Variants in MME observed in about 807,000 individuals in gnomAD.
The protein encoded by MME is neprilysin.
A neutral mutation model predicts 113.2 loss-of-function variants in MME; 98 were observed. The observed-to-expected ratio is 0.87, with a 90% CI of 0.74 to 1.02. MME has a LOEUF of 1.02. MME is among the 50% of genes least tolerant of loss of function. MME has a pLI of 0.00. For missense variants in MME, 836 were observed against 896.0 expected (o/e 0.93, Z 0.86); for synonymous variants, 292 against 300.6 (o/e 0.97, Z 0.30).
At position 155,115,015 on chromosome 3, in the gene MME, T is replaced by G; in HGVS notation, c.218T>G (p.Met73Arg). The part of the protein sequence containing the change: ...IKSAARLIQN[M>R]DATTEPCTDF... ...GCAGCTGCTCGACTGATCCAAAACA[T>G]GGATGCCACCACTGAGCCTTGTACA... is the stretch of plus-strand genomic sequence containing the variant. The change falls in exon 4 of 23, where the codon ATG becomes AGG. Residue 73 changes from methionine to arginine, a missense_variant. Physicochemically the swap from Met to Arg is moderately conservative, Grantham distance 91 (BLOSUM62 -1). Transcript: ENST00000360490. 2 of 1,614,154 alleles carry G rather than the reference T, an allele frequency of 1.2e-6. No homozygotes were observed. The highest frequency in any genetic ancestry group is 1.7e-6 in the Non-Finnish European group (2 of 1,179,988).
intron 17 of MME, among the ~76,000 whole-genome samples, chr3:155,163,855 T>A (rs1314231742): frequency 6.6e-6 from 1 of 152,094 alleles, no homozygotes; most frequent in Non-Finnish European, 1.5e-5. Flanking sequence ...ATAAAAAGAA[T>A]GTTTAGACTA....
chr3:155,166,591 A>G (rs1723109530), intron 17 of MME, among the ~76,000 whole-genome samples: 1 of 152,232 alleles, frequency 6.6e-6, no homozygotes, highest in Non-Finnish European at 1.5e-5. Flanking sequence ...CTTGGATTGT[A>G]AAGTGAATCG....
rs756846287 is a variant in MME at position 155,140,275 on chromosome 3, C to G, written c.940C>G (p.Leu314Val). 1.2e-5 allele frequency: 20 copies of G among 1,610,154 alleles called. No homozygotes were observed. The South Asian group carries it at 1.9e-4, about 15-fold the overall frequency. The change falls in exon 10 of 23, where the codon CTA (leucine) becomes GTA (valine). Residue 314 changes from leucine (L) to valine (V), a missense_variant. Coordinates refer to ENST00000360490, the MANE Select transcript of MME (RefSeq NM_007289.4). ...GGCCCAGATCCAAAATAACTTTTCA[C>G]TAGAGATCAATGGGAAGGTAAGTGG... ...TLAQIQNNFS[L>V]EINGKPFSWL...
At chr3:155,137,174 A>G (rs968209151) in intron 8 of MME, among the ~76,000 whole-genome samples, 3 of 152,218 alleles carry the variant, frequency 2.0e-5, no homozygotes, top group Non-Finnish European at 4.4e-5. Context: ...GAAGAAAACT[A>G]ATATCTAAAT....
chr3:155,158,346 A>G (rs1722458619), intron 16 of MME: 1 of 152,126 alleles, frequency 6.6e-6, no homozygotes, highest in South Asian at 2.1e-4. Flanking sequence ...ATTAACTTTT[A>G]TAGCAGTTAA....
chr3:155,148,636 A>G lies in MME; in HGVS notation c.1584A>G (p.Glu528=). The G allele has an allele frequency of 6.2e-7, 1 of 1,611,696 alleles. No individual in the cohort carries two copies. Among genetic ancestry groups the G allele is most frequent in the Non-Finnish European group, 8.5e-7 (1 of 1,178,010 alleles). ...GTAAACAACTGAAGAAGCTCCGAGA[A>G]AAGGTGGACAAAGATGAGTGCGTAT... ...SQSKQLKKLR[E]KVDKDEWISG... Residue 528 remains glutamate (E), a synonymous_variant, in exon 16 of 23, where the codon GAA becomes GAG. Coordinates refer to ENST00000360490, the MANE Select transcript of MME (RefSeq NM_007289.4).
intron 8 of MME, among the ~76,000 whole-genome samples, chr3:155,124,468 G>C (rs1297569579): frequency 1.3e-5 from 2 of 152,168 alleles, no homozygotes; most frequent in African/African-American, 2.4e-5. Context: ...GTGAGGAACT[G>C]CGTTCCTTTG....
intron 1 of MME, among the ~76,000 whole-genome samples, chr3:155,048,194 T>G (rs775427607): frequency 5.3e-5 from 8 of 152,152 alleles, no homozygotes; most frequent in Non-Finnish European, 1.0e-4. Flanking sequence ...ATTAGAAAAC[T>G]TCTCTAATTT....
intron 8 of MME, among the ~76,000 whole-genome samples, chr3:155,133,256 T>C (rs1329726053): frequency 2.6e-5 from 4 of 151,490 alleles, no homozygotes; most frequent in African/African-American, 9.7e-5. Context: ...TCAGGAAAGA[T>C]AGTCATGATA....
At chr3:155,127,880 T>C (rs1719815357) in intron 8 of MME, among the ~76,000 whole-genome samples, 1 of 152,238 alleles carries the variant, frequency 6.6e-6, no homozygotes, top group African/African-American at 2.4e-5. Context: ...AGTAGAGTTC[T>C]TTGAATGAGC....
At chr3:155,119,069 A>C (rs1357088793) in intron 8 of MME, among the ~76,000 whole-genome samples, 1 of 152,180 alleles carries the variant, frequency 6.6e-6, no homozygotes, top group East Asian at 1.9e-4. Flanking sequence ...AAAACATATG[A>C]TCGATTTTGA....
At chr3:155,111,457 A>G (rs1576597140) in intron 3 of MME, among the ~76,000 whole-genome samples, 1 of 152,302 alleles carries the variant, frequency 6.6e-6, no homozygotes, top group East Asian at 1.9e-4. Flanking sequence ...TCTGCTCTGC[A>G]CATCCCTCAC....
intron 1 of MME, among the ~76,000 whole-genome samples, chr3:155,044,615 G>A (rs1419906965): frequency 6.6e-6 from 1 of 151,978 alleles, no homozygotes; most frequent in Non-Finnish European, 1.5e-5. Context: ...TGCCTCCCGG[G>A]TTCAAGCGAT....
At chr3:155,026,234 C>G (rs764526683) in intron 1 of MME, among the ~76,000 whole-genome samples, 20 of 152,060 alleles carry the variant, frequency 1.3e-4, no homozygotes, top group Non-Finnish European at 2.5e-4. Flanking sequence ...ACTCCCAGCT[C>G]AGTGTCCATT....
chr3:155,044,102 T>C (rs1713455763), intron 1 of MME, among the ~76,000 whole-genome samples: 1 of 151,340 alleles, frequency 6.6e-6, no homozygotes, highest in African/African-American at 2.4e-5. Flanking sequence ...AACTATTATA[T>C]GTTGAATATT....
In MME at chr3:155,147,789, A is replaced by G. The variant is rs113920527; in HGVS notation, c.1497+565A>G. 5.7e-3 allele frequency among the ~76,000 whole-genome samples: 873 copies of G among 152,310 alleles called. 7 individuals are homozygous for G. Among genetic ancestry groups the G allele is most frequent in the African/African-American group, 0.019 (803 of 41,576 alleles). ...CTAACTCTGCAGTCACCACAACTACATGATACCCTGATGACAGCGAGGTGA... is the reference window on the plus strand; with the variant it reads ...CTAACTCTGCAGTCACCACAACTACGTGATACCCTGATGACAGCGAGGTGA... On this transcript the variant is annotated intron_variant, in intron 15 of 22. Coordinates refer to ENST00000360490, the MANE Select transcript of MME (RefSeq NM_007289.4).
intron 1 of MME, among the ~76,000 whole-genome samples, chr3:155,063,233 T>C (rs1255339410): frequency 8.4e-6 from 1 of 118,424 alleles, no homozygotes; most frequent in Non-Finnish European, 1.6e-5. Context: ...TGTATATTAT[T>C]ATATATTATA....
chr3:155,104,389 T>C (rs1717517943), intron 3 of MME, among the ~76,000 whole-genome samples: 1 of 152,156 alleles, frequency 6.6e-6, no homozygotes, highest in Non-Finnish European at 1.5e-5. Flanking sequence ...GCCAATCAAA[T>C]GTTTGGTTTA....
intron 3 of MME, among the ~76,000 whole-genome samples, chr3:155,114,669 A>G (rs2108250130): frequency 6.6e-6 from 1 of 152,208 alleles, no homozygotes; most frequent in South Asian, 2.1e-4. Context: ...CAGGATGGCC[A>G]ACTCAAAGTA....
Sources: gnomAD v4.1 joint callset for allele counts (sites outside exome capture counted in the v4.1 genomes callset) on GRCh38, gnomAD v4.1.1 for gene constraint, MANE v1.5 for transcripts, NCBI Gene and HGNC (gene_info 2026-07-23, HGNC 2026-07-21) for gene names.